SLC23A2: variants seen among roughly 807,000 people sequenced by gnomAD.
SLC23A2 encodes Na(+)/L-ascorbic acid transporter 2.
Under a neutral mutation model 73.3 loss-of-function variants are expected in SLC23A2, and 36 were observed. The observed-to-expected ratio is 0.49, with a 90% confidence interval of 0.38 to 0.65. The LOEUF (loss-of-function observed/expected upper bound fraction) is 0.65. SLC23A2 is among the 30% of genes least tolerant of loss of function. The pLI, the probability that SLC23A2 is intolerant of heterozygous loss-of-function variation, is 0.00. For synonymous variants in SLC23A2, 343 were observed against 327.3 expected (o/e 1.05, Z -0.52); for missense variants, 507 against 841.6 (o/e 0.60, Z 4.92).
chr20:4,994,512 C>T (rs1247854420), intron 1 of SLC23A2, among the ~76,000 whole-genome samples: 2 of 152,058 alleles, frequency 1.3e-5, no homozygotes, highest in East Asian at 1.9e-4. Flanking sequence ...TGGCCAGGTG[C>T]GGCGGCTCAC....
chr20:4,953,522 C>G (rs561134866), intron 2 of SLC23A2, among the ~76,000 whole-genome samples: 4 of 151,962 alleles, frequency 2.6e-5, no homozygotes, highest in Non-Finnish European at 4.4e-5. Flanking sequence ...GAATTTGAAA[C>G]AGAATACAGA....
In SLC23A2 at chr20:4,998,194, C is replaced by T. The variant is rs72552209; in HGVS notation, c.-282+3212G>A. On this transcript the variant is annotated intron_variant, in intron 1 of 16. Transcript: ENST00000338244. This position sits in a 1 kb window ranked among gnomAD's most constrained non-coding sequence, Gnocchi z 4.1. ...ACTCCCATCCCCACACTTAATCCCCCGAGCCTTGTCAGATTCCTCTTCACA... is the reference window on the plus strand; with the variant it reads ...ACTCCCATCCCCACACTTAATCCCCTGAGCCTTGTCAGATTCCTCTTCACA... 8.9e-3 allele frequency among the ~76,000 whole-genome samples: 1,352 copies of T among 152,282 alleles called. 8 individuals are homozygous for T. The highest frequency in any genetic ancestry group is 0.013 in the Non-Finnish European group (908 of 68,022).
chr20:4,883,245 T>C lies in SLC23A2; in HGVS notation c.824+397A>G, dbSNP rs1811456051. The stretch of plus-strand genomic sequence containing the variant: ...CAACAGACCTTTCCCACGACTTCTC[T>C]GGAAATACTCCAGATTCCTGCCACT... On this transcript the variant is annotated intron_variant, in intron 9 of 16. Transcript: ENST00000338244. This position sits in a 1 kb window ranked among gnomAD's most constrained non-coding sequence, Gnocchi z 4.5. Among the ~76,000 whole-genome samples, 1 of 152,146 alleles carries C rather than the reference T, an allele frequency of 6.6e-6. No individual in the cohort carries two copies. The highest frequency in any genetic ancestry group is 2.4e-5 in the African/African-American group (1 of 41,422).
At chr20:4,913,946 C>A (rs939669677) in intron 3 of SLC23A2, among the ~76,000 whole-genome samples, 1 of 151,662 alleles carries the variant, frequency 6.6e-6, no homozygotes, top group Non-Finnish European at 1.5e-5. Flanking sequence ...AGTTATAGGC[C>A]ACTGACACCC....
intron 6 of SLC23A2, among the ~76,000 whole-genome samples, chr20:4,886,702 T>A (rs1448663800): frequency 3.9e-5 from 6 of 152,212 alleles, no homozygotes; most frequent in Non-Finnish European, 2.9e-5. Context: ...TAAGTCACAT[T>A]AAAGTGACTT....
chr20:4,964,210 G>A (rs6052995), intron 2 of SLC23A2, among the ~76,000 whole-genome samples: 15 of 151,454 alleles, frequency 9.9e-5, no homozygotes, highest in Non-Finnish European at 1.8e-4. Context: ...GCCCTGGCTG[G>A]TCTTGAACTC....
chr20:5,000,090 A>T (rs570226713), intron 1 of SLC23A2, among the ~76,000 whole-genome samples: 1 of 152,268 alleles, frequency 6.6e-6, no homozygotes, highest in Non-Finnish European at 1.5e-5. Flanking sequence ...GAATGAAAAG[A>T]GAACAGTAGT....
At position 4,938,335 on chromosome 20, in the gene SLC23A2, T is replaced by G. The variant is rs1282658773; in HGVS notation, c.-154-5619A>C. On this transcript the variant is annotated intron_variant, in intron 2 of 16. Coordinates refer to ENST00000338244, the MANE Select transcript of SLC23A2 (RefSeq NM_005116.6). ...ACCTGTAATCCAGACTCATTCCATC[T>G]TTTTTTTTTTTTTTTTTTTTGAGAC... Among the ~76,000 whole-genome samples the G allele has an allele frequency of 3.6e-3, 405 of 111,002 alleles. 2 individuals carry two copies. The highest frequency in any genetic ancestry group is 0.019 in the African/African-American group (385 of 20,790). The allele number at this position is 111,002 out of a possible 152,430, so 72.8% of individuals were successfully genotyped here.
At chr20:4,866,034 T>C (rs1343952027) in intron 13 of SLC23A2, among the ~76,000 whole-genome samples, 1 of 152,062 alleles carries the variant, frequency 6.6e-6, no homozygotes, top group African/African-American at 2.4e-5. Flanking sequence ...GGGTTCAACA[T>C]GTTGGCCAGG....
At chr20:4,974,422 C>T (rs1205998920) in intron 1 of SLC23A2, among the ~76,000 whole-genome samples, 1 of 151,978 alleles carries the variant, frequency 6.6e-6, no homozygotes, top group Non-Finnish European at 1.5e-5. Flanking sequence ...GAGCCGAGAT[C>T]GCGCATTGCA....
chr20:4,968,727 T>TTC (rs1489274032), intron 2 of SLC23A2, among the ~76,000 whole-genome samples: 1 of 151,628 alleles, frequency 6.6e-6, no homozygotes, highest in Non-Finnish European at 1.5e-5. Context: ...TATTTTTCTT[T>TTC]TTTTTTTTTG....
At chr20:4,976,047 G>A (rs745658617) in intron 1 of SLC23A2, among the ~76,000 whole-genome samples, 14 of 151,198 alleles carry the variant, frequency 9.3e-5, no homozygotes, top group South Asian at 4.2e-4. Context: ...TAGAGACGGG[G>A]TTTCACCGTA....
Position 4,862,736 on chromosome 20 carries a change from A to AAAATT in SLC23A2, c.1486+41_1486+42insAATTT. On this transcript the variant is annotated intron_variant, in intron 14 of 16. Transcript: ENST00000338244. This position sits in a 1 kb window ranked among gnomAD's most constrained non-coding sequence, Gnocchi z 5.1. Reference sequence around the variant, plus strand: ...AAAAACACCATGACCCCTATTAAAAATTTGGAAAAGTAAAGGAAAAAGCCA... The same window carrying AAAATT: ...AAAAACACCATGACCCCTATTAAAAAAAATTTTTGGAAAAGTAAAGGAAAAAGCCA... 1 of 1,582,402 alleles carries AAAATT rather than the reference A, an allele frequency of 6.3e-7. No homozygotes were observed. The highest frequency in any genetic ancestry group is 1.7e-4 in the Middle Eastern group (1 of 5,940).
At chr20:5,008,245 C>T (rs1464657287) in intron 1 of SLC23A2, among the ~76,000 whole-genome samples, 6 of 152,138 alleles carry the variant, frequency 3.9e-5, no homozygotes, top group Non-Finnish European at 8.8e-5. Context: ...AAGTGTACCA[C>T]TCAGTGGCAT....
intron 1 of SLC23A2, among the ~76,000 whole-genome samples, chr20:4,983,490 C>CA (rs2087763554): frequency 1.3e-5 from 2 of 150,076 alleles, no homozygotes; most frequent in East Asian, 2.0e-4. Context: ...ACTAAAAATA[C>CA]AAAAATTTAG....
At chr20:4,957,357 T>C (rs1464736050) in intron 2 of SLC23A2, among the ~76,000 whole-genome samples, 1 of 151,850 alleles carries the variant, frequency 6.6e-6, no homozygotes, top group African/African-American at 2.4e-5. Context: ...AGCTACTCAG[T>C]AGGCTGAGGC....
At chr20:4,959,630 T>A (rs1023801366) in intron 2 of SLC23A2, among the ~76,000 whole-genome samples, 1 of 151,608 alleles carries the variant, frequency 6.6e-6, no homozygotes, top group Non-Finnish European at 1.5e-5. Context: ...CCCAAGTAGA[T>A]GGGACTATAG....
At chr20:4,885,208 A>G (rs1214742483) in intron 7 of SLC23A2, among the ~76,000 whole-genome samples, 1 of 152,218 alleles carries the variant, frequency 6.6e-6, no homozygotes, top group African/African-American at 2.4e-5. Flanking sequence ...CCCAGATCAA[A>G]TCAGTGGTCA....
chr20:4,971,636 A>T (rs930378608), intron 1 of SLC23A2, among the ~76,000 whole-genome samples: 1 of 150,770 alleles, frequency 6.6e-6, no homozygotes, highest in Non-Finnish European at 1.5e-5. Context: ...AAAAAAAAAA[A>T]ATTATCTCGT....
Sources: allele counts gnomAD v4.1 joint callset (sites outside exome capture counted in the v4.1 genomes callset), GRCh38; gene constraint gnomAD v4.1.1; non-coding constraint Gnocchi (gnomAD v3.1); transcripts MANE v1.5; gene names NCBI Gene and HGNC (gene_info 2026-07-23, HGNC 2026-07-21).